Variants in SYNJ1 observed in about 807,000 individuals in gnomAD.
SYNJ1 encodes polyphosphatidylinositol phosphatase SYNJ1.
In SYNJ1, 78 loss-of-function variants were observed where a neutral mutation model predicts 168.2. The observed-to-expected ratio is 0.46, with a 90% CI of 0.39 to 0.56. SYNJ1 has a LOEUF of 0.56. Among genes scored for constraint, SYNJ1 ranks in the 20% least tolerant of loss-of-function variants. The pLI is 0.00. For missense variants in SYNJ1, 1,303 were observed against 1,597.6 expected, an observed-to-expected ratio of 0.82 and a Z score of 3.14; for synonymous variants, 539 against 548.6, an observed-to-expected ratio of 0.98 and a Z score of 0.24.
intron 24 of SYNJ1, chr21:32,646,047 T>C (rs967982890): frequency 1.5e-5 from 11 of 742,940 alleles, no homozygotes; most frequent in South Asian, 4.3e-5. Context: ...AGTGGCCCTA[T>C]TGATATGCAC....
At chr21:32,677,385 C>T (rs941915141) in intron 12 of SYNJ1, among the ~76,000 whole-genome samples, 4 of 152,070 alleles carry the variant, frequency 2.6e-5, no homozygotes, top group Non-Finnish European at 5.9e-5. Flanking sequence ...TCAGAACAAG[C>T]GTTACAGCAG....
intron 16 of SYNJ1, 30 bp downstream of exon 16, chr21:32,666,403 T>C (rs1444286822): frequency 1.3e-5 from 20 of 1,584,342 alleles, no homozygotes; most frequent in Admixed American, 1.9e-5. Flanking sequence ...TGGTAGGAAG[T>C]AGCCTTAGAG....
chr21:32,702,950 C>T (rs2042462672), intron 2 of SYNJ1, among the ~76,000 whole-genome samples: 1 of 152,214 alleles, frequency 6.6e-6, no homozygotes, highest in Non-Finnish European at 1.5e-5. Flanking sequence ...ATCTTTATTG[C>T]CAACAAAAGG....
rs2042340576 is a variant in SYNJ1 at position 32,699,930 on chromosome 21, A to G, written c.387T>C (p.Tyr129=). 6.2e-7 allele frequency: 1 copy of G among 1,614,208 alleles called. No individual in the cohort carries two copies. The highest frequency in any genetic ancestry group is 8.5e-7 in the Non-Finnish European group (1 of 1,180,028). ...TGATGCCAGATGCAGACCATGCAAAATAAAAGTTTCCTGAATTCAAAACTT... is the reference window on the plus strand; with the variant it reads ...TGATGCCAGATGCAGACCATGCAAAGTAAAAGTTTCCTGAATTCAAAACTT... ...VRKVLNSGNF[Y]FAWSASGISL... is the part of the protein sequence containing the mutation. The change falls in exon 4 of 33, where the codon TAT becomes TAC. Residue 129 remains tyrosine, a synonymous_variant. Transcript: ENST00000674351.
chr21:32,639,868 C>G (rs934199808), intron 29 of SYNJ1, 89 bp from the exon 30 acceptor site: 14 of 1,088,310 alleles, frequency 1.3e-5, no homozygotes, highest in Non-Finnish European at 1.8e-5. Context: ...ATCTCATTTA[C>G]TTTCTTCTAT....
intron 31 of SYNJ1, among the ~76,000 whole-genome samples, chr21:32,638,081 T>C (rs567295416): frequency 9.2e-5 from 14 of 152,272 alleles, no homozygotes; most frequent in African/African-American, 3.4e-4. Context: ...TTATTATTAT[T>C]TTTGGAGGTA....
At chr21:32,662,136 G>A (rs796181905) in intron 18 of SYNJ1, among the ~76,000 whole-genome samples, 13 of 152,240 alleles carry the variant, frequency 8.5e-5, no homozygotes, top group African/African-American at 2.4e-4. Flanking sequence ...AGGCAAAACC[G>A]AGCCCAGACA....
intron 4 of SYNJ1, 80 bp downstream of exon 4, chr21:32,699,758 C>T (rs565882953): frequency 1.5e-4 from 226 of 1,506,958 alleles, no homozygotes; most frequent in Non-Finnish European, 1.9e-4. Context: ...CTTGCTGTCA[C>T]GGTGAGGAGG....
intron 13 of SYNJ1, among the ~76,000 whole-genome samples, chr21:32,675,116 T>C (rs1435145085): frequency 6.6e-6 from 1 of 152,200 alleles, no homozygotes; most frequent in Non-Finnish European, 1.5e-5. Flanking sequence ...ATAATTATGG[T>C]TTATCATTGC....
rs1043831613 is a variant in SYNJ1, at chr21:32,671,610, C to A, written c.1727-1238G>T. 4.8e-4 allele frequency among the ~76,000 whole-genome samples: 73 copies of A among 152,144 alleles called. 2 individuals are homozygous for A. Among genetic ancestry groups the A allele is most frequent in the Non-Finnish European group, 1.3e-4 (9 of 68,032 alleles). On this transcript the variant is annotated intron_variant, in intron 14 of 32. Coordinates refer to ENST00000674351, the MANE Select transcript of SYNJ1 (RefSeq NM_203446.3). Reference sequence around the variant, plus strand: ...TCCTTCCCTTTCAATGTCTCAGTTTCCTCATCTGTAAAATTGGAATAATGG... The same window carrying A: ...TCCTTCCCTTTCAATGTCTCAGTTTACTCATCTGTAAAATTGGAATAATGG...
intron 2 of SYNJ1, among the ~76,000 whole-genome samples, chr21:32,721,416 C>T (rs1460830197): frequency 2.0e-5 from 3 of 152,158 alleles, no homozygotes; most frequent in South Asian, 2.1e-4. Context: ...TGGTGGCTCA[C>T]GCCTATAATC....
At chr21:32,641,417 C>T (rs1395047874) in intron 29 of SYNJ1, among the ~76,000 whole-genome samples, 1 of 152,078 alleles carries the variant, frequency 6.6e-6, no homozygotes, top group Non-Finnish European at 1.5e-5. Context: ...ATCTACTCTC[C>T]TATTTCTAAT....
In SYNJ1 at chr21:32,688,387, T is replaced by G; in HGVS notation, c.790-20A>C. On this transcript the variant is annotated intron_variant, in intron 6 of 32. Transcript: ENST00000674351. ...TCCCACCTTAGACAAGAAAAATATA[T>G]TTAATCAAACCAAAAACCAACATAT... 1 of 1,607,532 alleles carries G rather than the reference T, an allele frequency of 6.2e-7. No homozygotes were observed. The highest frequency in any genetic ancestry group is 2.2e-5 in the East Asian group (1 of 44,754).
chr21:32,634,055 T>C (rs1008292800), intron 32 of SYNJ1, among the ~76,000 whole-genome samples: 2 of 152,230 alleles, frequency 1.3e-5, no homozygotes, highest in African/African-American at 4.8e-5. Context: ...AATTCTCCTA[T>C]GGCAGATAGA....
chr21:32,635,138 T>G (rs1045936385), intron 31 of SYNJ1, among the ~76,000 whole-genome samples: 2 of 152,198 alleles, frequency 1.3e-5, no homozygotes, highest in African/African-American at 4.8e-5. Context: ...ATTCCAAAAA[T>G]AATACTCCAA....
At position 32,651,283 on chromosome 21, in the gene SYNJ1, G is replaced by A. The variant is rs546754456; in HGVS notation, c.2875-937C>T. Among the ~76,000 whole-genome samples, 6 of 152,354 alleles carry A rather than the reference G, an allele frequency of 3.9e-5. No homozygotes were observed. The East Asian group carries it at 1.2e-3, about 29-fold the overall frequency. On this transcript the variant is annotated intron_variant, in intron 22 of 32. Transcript: ENST00000674351. ...GTATTTGCAAATGAACTGTGTAGCTGTGATCAATATGCTGTGCTGACAGTT... is the reference window on the plus strand; with the variant it reads ...GTATTTGCAAATGAACTGTGTAGCTATGATCAATATGCTGTGCTGACAGTT...
intron 2 of SYNJ1, among the ~76,000 whole-genome samples, chr21:32,712,816 T>C (rs1286779745): frequency 1.3e-5 from 2 of 152,184 alleles, no homozygotes; most frequent in African/African-American, 4.8e-5. Context: ...TAAACCTCAC[T>C]GAGGAAGTGA....
chr21:32,673,670 G>A (rs1304094496), intron 13 of SYNJ1, 139 bp from the exon 14 acceptor site: 7 of 651,786 alleles, frequency 1.1e-5, no homozygotes, highest in African/African-American at 3.8e-5. Flanking sequence ...ACAGGCACAG[G>A]CACAAAAAAA....
rs2039226783 is a variant in SYNJ1 at position 32,629,114 on chromosome 21, CTGA to C, written c.*2688_*2690del. 1 of 152,696 alleles carries C rather than the reference CTGA, an allele frequency of 6.5e-6. No homozygotes were observed. Among genetic ancestry groups the C allele is most frequent in the East Asian group, 1.9e-4 (1 of 5,186 alleles). 9.5% of individuals were successfully genotyped at this position (152,696 alleles called of 1,614,324 possible). A position where few individuals can be genotyped will look rare whatever the true frequency, so the allele number is the denominator to read the frequency against. Reference sequence around the variant, plus strand: ...AATTTTCCTGATAAAGGCTGGGCTGCTGATATGTATATTTTAGACAGTAGTTTA... The same window carrying C: ...AATTTTCCTGATAAAGGCTGGGCTGCTATGTATATTTTAGACAGTAGTTTA... On this transcript the variant is annotated 3_prime_UTR_variant, in exon 33 of 33. Coordinates refer to ENST00000674351, the MANE Select transcript of SYNJ1 (RefSeq NM_203446.3).
Sources: gnomAD v4.1 joint callset for allele counts (sites outside exome capture counted in the v4.1 genomes callset) on GRCh38, gnomAD v4.1.1 for gene constraint, MANE v1.5 for transcripts, NCBI Gene and HGNC (gene_info 2026-07-23, HGNC 2026-07-21) for gene names.